SDHAF2: variants seen among roughly 807,000 people sequenced by gnomAD.
The protein encoded by SDHAF2 is succinate dehydrogenase complex assembly factor 2.
Under a neutral mutation model 18.5 loss-of-function variants are expected in SDHAF2, and 21 were observed. That is an observed-to-expected ratio of 1.13 (90% confidence interval 0.80 to 1.63). The LOEUF (loss-of-function observed/expected upper bound fraction) is 1.63, where lower values mean the gene tolerates loss of function less well. SDHAF2 is among the 40% of genes most tolerant of loss of function. SDHAF2 has a pLI of 0.00. For synonymous variants in SDHAF2, 84 were observed against 70.7 expected (o/e 1.19, Z -0.94); for missense variants, 195 against 200.3 (o/e 0.97, Z 0.16).
At position 61,442,421 on chromosome 11, in the gene SDHAF2, T is replaced by G. The variant is rs141521672; in HGVS notation, c.371-3520T>G. On this transcript the variant is annotated intron_variant, in intron 3 of 3. Transcript: ENST00000301761. ...ATGTGCTGTTTTCTCATTTCCATAG[T>G]TTGTGACGAGGTCTGCTGTATCTTT... Among the ~76,000 whole-genome samples the G allele has an allele frequency of 3.7e-3, 566 of 152,330 alleles. 2 individuals carry two copies. The highest frequency in any genetic ancestry group is 5.5e-3 in the Non-Finnish European group (375 of 68,036).
chr11:61,437,069 AT>A, intron 1 of SDHAF2: 1 of 1,161,064 alleles, frequency 8.6e-7, no homozygotes, highest in Admixed American at 4.3e-5. Flanking sequence ...TTAGGGACAC[AT>A]TTGCAGTTAG....
chr11:61,433,220 A>C (rs923101958), intron 1 of SDHAF2: 1 of 152,016 alleles, frequency 6.6e-6, no homozygotes, highest in African/African-American at 2.4e-5. Flanking sequence ...TTGTATTTTT[A>C]GTAGAGATGG....
rs761956866 is a variant in SDHAF2 at position 61,437,624 on chromosome 11, G to T, written c.37-1G>T. On this transcript the variant is annotated splice_acceptor_variant, in intron 1 of 3. Transcript: ENST00000301761. LOFTEE classifies it high-confidence loss of function. ...AGATGTTTGTGGTTTGTTCATTTCA[G>T]ATGCTTGCTCTGTCAAGGCACAGCC... is the stretch of plus-strand genomic sequence containing the variant. The T allele has an allele frequency of 6.2e-7, 1 of 1,612,990 alleles. No homozygotes were observed. Among genetic ancestry groups the T allele is most frequent in the Non-Finnish European group, 8.5e-7 (1 of 1,178,918 alleles).
chr11:61,443,502 G>C (rs1862095268), intron 3 of SDHAF2, among the ~76,000 whole-genome samples: 2 of 152,150 alleles, frequency 1.3e-5, no homozygotes, highest in African/African-American at 4.8e-5. Flanking sequence ...TTACAATTGG[G>C]GATGCTTCTT....
rs1286393514 is a variant in SDHAF2 at position 61,436,890 on chromosome 11, ACTTCTCTGGATTGGGAGC to A, written c.37-731_37-714del. On this transcript the variant is annotated intron_variant, in intron 1 of 3. Transcript: ENST00000301761. ...GACATCATATCTTGATAAGTTGTCA[ACTTCTCTGGATTGGGAGC>A]CTTTGGGGGATTAGGGATCATGCTG... 31 of 1,288,440 alleles carry A rather than the reference ACTTCTCTGGATTGGGAGC, an allele frequency of 2.4e-5. No homozygotes were observed. In the African/African-American group the frequency reaches 4.6e-4, roughly 19 times the overall value. The allele number at this position is 1,288,440 out of a possible 1,614,324, so 79.8% of individuals were successfully genotyped here.
chr11:61,430,388 A>G, intron 1 of SDHAF2: 1 of 645,094 alleles, frequency 1.6e-6, no homozygotes, highest in Admixed American at 2.7e-5. Flanking sequence ...GTCTGGAAAT[A>G]TCTGCTTAAA....
rs145616631 is a variant in SDHAF2, at chr11:61,438,074, G to A, written c.331G>A (p.Glu111Lys). The A allele has an allele frequency of 2.7e-5, 44 of 1,614,014 alleles. No homozygotes were observed. In the African/African-American group the frequency reaches 4.3e-4, roughly 16 times the overall value. Residue 111 changes from glutamate to lysine, a missense_variant, in exon 3 of 4, where the codon GAG becomes AAG. Transcript: ENST00000301761. Reference sequence around the variant, plus strand: ...GAACCTCTATGACCGCCTGATTAACGAGCCTAGTAATGACTGGGATATTTA... The same window carrying A: ...GAACCTCTATGACCGCCTGATTAACAAGCCTAGTAATGACTGGGATATTTA... ...QLNLYDRLIN[E>K]PSNDWDIYYW...
chr11:61,432,871 G>A (rs1861949364), intron 1 of SDHAF2: 1 of 151,802 alleles, frequency 6.6e-6, no homozygotes, highest in Non-Finnish European at 1.5e-5. Flanking sequence ...CTTGTATGTT[G>A]TGGATGTCAC....
rs1295134579 is a variant in SDHAF2 at position 61,437,734 on chromosome 11, A to C, written c.146A>C (p.Glu49Ala). Reference sequence around the variant, plus strand: ...ACAGATTCCCAAAAGGACATGATTGAAATCCCTTTGCCTCCATGGCAGGAG... The same window carrying C: ...ACAGATTCCCAAAAGGACATGATTGCAATCCCTTTGCCTCCATGGCAGGAG... ...SPTDSQKDMI[E>A]IPLPPWQERT... Residue 49 changes from glutamate to alanine, a missense_variant, in exon 2 of 4, where the codon GAA becomes GCA. Glu to Ala is a moderately radical substitution (Grantham distance 107). Transcript: ENST00000301761. 6.2e-7 allele frequency: 1 copy of C among 1,614,152 alleles called. No homozygotes were observed. Among genetic ancestry groups the C allele is most frequent in the Admixed American group, 1.7e-5 (1 of 60,018 alleles).
Position 61,446,171 on chromosome 11 carries a change from C to T in SDHAF2, c.*100C>T. On this transcript the variant is annotated 3_prime_UTR_variant, in exon 4 of 4. Coordinates refer to ENST00000301761, the MANE Select transcript of SDHAF2 (RefSeq NM_017841.4). The stretch of plus-strand genomic sequence containing the variant: ...CCGGCTTCTTAGATGCCCAGCTGCC[C>T]TACCCCAGACCACTGGTCCTGCCTC... 3.0e-6 allele frequency: 4 copies of T among 1,355,152 alleles called. No homozygotes were observed. The highest frequency in any genetic ancestry group is 2.3e-5 in the South Asian group (2 of 86,072). The allele number at this position is 1,355,152 out of a possible 1,614,324, so 83.9% of individuals were successfully genotyped here.
chr11:61,441,617 G>A (rs1411175680), intron 3 of SDHAF2, among the ~76,000 whole-genome samples: 2 of 151,916 alleles, frequency 1.3e-5, no homozygotes, highest in African/African-American at 4.8e-5. Context: ...ATCTGAAAAA[G>A]GCAAAACTTA....
At chr11:61,430,404 A>T (rs1861854762) in intron 1 of SDHAF2, 6 of 622,384 alleles carry the variant, frequency 9.6e-6, no homozygotes, top group African/African-American at 1.9e-5. Context: ...TTAAACGATC[A>T]GTCATCGTCC....
At position 61,446,230 on chromosome 11, in the gene SDHAF2, A is replaced by T; in HGVS notation, c.*159A>T. The stretch of plus-strand genomic sequence containing the variant: ...GACATAACCCTCTCCTAGGACATAC[A>T]TGTAAATGCACAATGTGACTCATTC... On this transcript the variant is annotated 3_prime_UTR_variant, in exon 4 of 4. Coordinates refer to ENST00000301761, the MANE Select transcript of SDHAF2 (RefSeq NM_017841.4). 6 of 766,836 alleles carry T rather than the reference A, an allele frequency of 7.8e-6. No homozygotes were observed. In the South Asian group the frequency reaches 8.5e-5, roughly 11 times the overall value. The allele number at this position is 766,836 out of a possible 1,614,324, so 47.5% of individuals were successfully genotyped here. A position where few individuals can be genotyped will look rare whatever the true frequency, so the allele number is the denominator to read the frequency against.
rs769577154 is a variant in SDHAF2, at chr11:61,438,100, C to G, written c.357C>G (p.Tyr119Ter). 9 of 1,612,308 alleles carry G rather than the reference C, an allele frequency of 5.6e-6. No individual in the cohort carries two copies. Among genetic ancestry groups the G allele is most frequent in the East Asian group, 2.2e-5 (1 of 44,882 alleles). The change falls in exon 3 of 4, where the codon TAC becomes TAG. Residue 119 changes from tyrosine to a stop codon, truncating the protein, a stop_gained. Coordinates refer to ENST00000301761, the MANE Select transcript of SDHAF2 (RefSeq NM_017841.4). LOFTEE classifies it high-confidence loss of function. ...AGCCTAGTAATGACTGGGATATTTA[C>G]TACTGGGCCACAGGTACTGGGTATG... ...INEPSNDWDI[Y>*]YWATEAKPAP...
intron 3 of SDHAF2, among the ~76,000 whole-genome samples, chr11:61,439,478 A>G (rs549312032): frequency 6.6e-6 from 1 of 152,314 alleles, no homozygotes; most frequent in East Asian, 1.9e-4. Context: ...CCATCTGCCC[A>G]GCTGTGTTGG....
Position 61,430,152 on chromosome 11 carries a change from G to A in SDHAF2, c.6G>A (p.Ala2=), listed in dbSNP as rs747571875. ...TTCCGGTGCAGGTGGGGAAAATGGCGGTGTCTACAGTGTTCTCGACTTCGT... is the reference window on the plus strand; with the variant it reads ...TTCCGGTGCAGGTGGGGAAAATGGCAGTGTCTACAGTGTTCTCGACTTCGT... M[A]VSTVFSTSSL... is the part of the protein sequence containing the mutation. The change falls in exon 1 of 4, where the codon GCG becomes GCA. Residue 2 remains alanine, a synonymous_variant. Transcript: ENST00000301761. 8.7e-6 allele frequency: 14 copies of A among 1,614,104 alleles called. No individual in the cohort carries two copies. The highest frequency in any genetic ancestry group is 1.7e-5 in the Admixed American group (1 of 60,014).
intron 3 of SDHAF2, among the ~76,000 whole-genome samples, chr11:61,439,369 G>A (rs1417537602): frequency 1.3e-5 from 2 of 152,140 alleles, no homozygotes; most frequent in East Asian, 1.9e-4. Flanking sequence ...TGTAGATCCC[G>A]CTCAGGAAAT....
intron 3 of SDHAF2, among the ~76,000 whole-genome samples, chr11:61,441,200 T>C (rs1176093882): frequency 6.6e-6 from 1 of 152,038 alleles, no homozygotes; most frequent in Non-Finnish European, 1.5e-5. Flanking sequence ...CATTCTTAGC[T>C]CACAGGGCAT....
chr11:61,430,159 A>T lies in SDHAF2; in HGVS notation c.13A>T (p.Thr5Ser). The change falls in exon 1 of 4, where the codon ACA becomes TCA. Residue 5 changes from threonine to serine, a missense_variant. Coordinates refer to ENST00000301761, the MANE Select transcript of SDHAF2 (RefSeq NM_017841.4). MAVS[T>S]VFSTSSLMLA... ...GCAGGTGGGGAAAATGGCGGTGTCTACAGTGTTCTCGACTTCGTCGCTGGT... is the reference window on the plus strand; with the variant it reads ...GCAGGTGGGGAAAATGGCGGTGTCTTCAGTGTTCTCGACTTCGTCGCTGGT... The T allele has an allele frequency of 6.2e-7, 1 of 1,614,182 alleles. No individual in the cohort carries two copies. The highest frequency in any genetic ancestry group is 8.5e-7 in the Non-Finnish European group (1 of 1,180,004).
Sources: gnomAD v4.1 joint callset for allele counts (sites outside exome capture counted in the v4.1 genomes callset) on GRCh38, gnomAD v4.1.1 for gene constraint, MANE v1.5 for transcripts, NCBI Gene and HGNC (gene_info 2026-07-23, HGNC 2026-07-21) for gene names.